RABGAP1L: variants seen among roughly 807,000 people sequenced by gnomAD.
The protein encoded by RABGAP1L is RAB GTPase activating protein 1 like.
RABGAP1L carries 63 observed loss-of-function variants against 137.7 expected under a neutral mutation model. The observed-to-expected ratio is 0.46, with a 90% CI of 0.37 to 0.56. The LOEUF is 0.56. Among genes scored for constraint, RABGAP1L ranks in the 20% least tolerant of loss-of-function variants. RABGAP1L has a pLI of 0.00. For missense variants in RABGAP1L, 1,095 were observed against 1,244.0 expected (o/e 0.88, Z 1.80); for synonymous variants, 431 against 433.7 (o/e 0.99, Z 0.08).
At chr1:174,345,400 T>C (rs1181600151) in intron 11 of RABGAP1L, among the ~76,000 whole-genome samples, 1 of 152,230 alleles carries the variant, frequency 6.6e-6, no homozygotes, top group Non-Finnish European at 1.5e-5. Context: ...TTTAACAATA[T>C]TGATTCTTCC....
chr1:174,651,975 G>A (rs975393097), intron 14 of RABGAP1L, among the ~76,000 whole-genome samples: 3 of 152,086 alleles, frequency 2.0e-5, no homozygotes, highest in African/African-American at 7.2e-5. Flanking sequence ...GGCTGGTACC[G>A]GTTGTTCCTT....
chr1:174,851,612 C>T (rs1171349192), intron 19 of RABGAP1L, among the ~76,000 whole-genome samples: 1 of 151,936 alleles, frequency 6.6e-6, no homozygotes, highest in Non-Finnish European at 1.5e-5. Flanking sequence ...CTTCCAGGCT[C>T]AAGCAATCTT....
intron 13 of RABGAP1L, among the ~76,000 whole-genome samples, chr1:174,544,117 A>G (rs1351122193): frequency 6.6e-6 from 1 of 152,074 alleles, no homozygotes; most frequent in African/African-American, 2.4e-5. Flanking sequence ...CGTTCTCTGT[A>G]TTTCCTGAAT....
intron 13 of RABGAP1L, among the ~76,000 whole-genome samples, chr1:174,412,132 TACTTGTTTATACCCCAA>T (rs1196614275): frequency 6.6e-6 from 1 of 152,076 alleles, no homozygotes; most frequent in Non-Finnish European, 1.5e-5. Context: ...GGTATAGACA[TACTTGTTTATACCCCAA>T]ACTTGGGCGT....
intron 13 of RABGAP1L, among the ~76,000 whole-genome samples, chr1:174,565,848 T>C (rs1044076381): frequency 6.6e-6 from 1 of 152,046 alleles, no homozygotes; most frequent in African/African-American, 2.4e-5. Context: ...AATACAAAGA[T>C]ATCTCAGTGA....
intron 13 of RABGAP1L, among the ~76,000 whole-genome samples, chr1:174,407,844 A>G (rs1649454281): frequency 6.6e-6 from 1 of 152,138 alleles, no homozygotes; most frequent in Non-Finnish European, 1.5e-5. Context: ...GCACTAAACA[A>G]TGAGAAATAT....
intron 19 of RABGAP1L, among the ~76,000 whole-genome samples, chr1:174,891,212 C>T (rs2149119565): frequency 6.6e-6 from 1 of 152,258 alleles, no homozygotes; most frequent in Non-Finnish European, 1.5e-5. Context: ...GAAGGAATAG[C>T]ACTTTGAGAG....
chr1:174,532,236 T>C (rs1319351434), intron 13 of RABGAP1L, among the ~76,000 whole-genome samples: 3 of 151,580 alleles, frequency 2.0e-5, no homozygotes, highest in African/African-American at 7.3e-5. Context: ...TGGGACACAG[T>C]CTTGCTCTGT....
intron 13 of RABGAP1L, among the ~76,000 whole-genome samples, chr1:174,522,565 G>A (rs759959333): frequency 1.3e-5 from 2 of 151,802 alleles, no homozygotes; most frequent in Admixed American, 6.6e-5. Context: ...GGAGGGAGAC[G>A]AGGGAAGGGA....
chr1:174,326,424 A>T (rs1407263146), intron 11 of RABGAP1L, among the ~76,000 whole-genome samples: 1 of 152,198 alleles, frequency 6.6e-6, no homozygotes, highest in African/African-American at 2.4e-5. Flanking sequence ...TGAAAAATGC[A>T]ATAGAGGGCA....
intron 11 of RABGAP1L, among the ~76,000 whole-genome samples, chr1:174,350,443 A>G (rs1683039047): frequency 1.2e-5 from 1 of 85,274 alleles, no homozygotes; most frequent in African/African-American, 4.9e-5. Context: ...CGCTCCTCAC[A>G]TCCCAGATGG....
At chr1:174,790,132 C>T (rs547228805) in intron 18 of RABGAP1L, among the ~76,000 whole-genome samples, 45 of 151,984 alleles carry the variant, frequency 3.0e-4, no homozygotes, top group African/African-American at 1.0e-3. Context: ...ATAACTGAAA[C>T]CTGGGAAGCA....
At chr1:174,531,204 G>A (rs1335645637) in intron 13 of RABGAP1L, among the ~76,000 whole-genome samples, 3 of 145,728 alleles carry the variant, frequency 2.1e-5, no homozygotes, top group Non-Finnish European at 4.4e-5. Flanking sequence ...TATAATACAG[G>A]TTAGTTATAA....
intron 4 of RABGAP1L, among the ~76,000 whole-genome samples, chr1:174,232,288 A>C (rs1337226128): frequency 4.6e-5 from 7 of 152,058 alleles, no homozygotes; most frequent in Admixed American, 2.6e-4. Flanking sequence ...TGGGTGAATC[A>C]CTTGAGGTCA....
At chr1:174,906,857 AT>A (rs201543886) in intron 19 of RABGAP1L, among the ~76,000 whole-genome samples, 2,288 of 151,646 alleles carry the variant, frequency 0.015, 164 homozygotes, top group Admixed American at 0.12. Flanking sequence ...GGAAAACCAT[AT>A]AGGCCATGAG....
At chr1:174,801,489 C>A (rs1034760798) in intron 18 of RABGAP1L, among the ~76,000 whole-genome samples, 4 of 152,262 alleles carry the variant, frequency 2.6e-5, no homozygotes, top group Middle Eastern at 3.4e-3. Context: ...CAAATATAAT[C>A]TCTTCTGTAC....
At chr1:174,640,091 G>C (rs1674406273) in intron 14 of RABGAP1L, among the ~76,000 whole-genome samples, 1 of 152,046 alleles carries the variant, frequency 6.6e-6, no homozygotes, top group Non-Finnish European at 1.5e-5. Context: ...AGTTTTTAAG[G>C]ATTTTAATGC....
intron 19 of RABGAP1L, among the ~76,000 whole-genome samples, chr1:174,836,651 A>G (rs992758605): frequency 4.6e-5 from 7 of 152,226 alleles, no homozygotes; most frequent in African/African-American, 1.7e-4. Flanking sequence ...CTGAAGCCAG[A>G]ATGTGCCCTC....
intron 19 of RABGAP1L, among the ~76,000 whole-genome samples, chr1:174,921,053 G>T (rs1176918637): frequency 6.6e-6 from 1 of 152,158 alleles, no homozygotes; most frequent in Non-Finnish European, 1.5e-5. Flanking sequence ...TTCCTAAGTG[G>T]CTGGGATTAC....
Sources: gnomAD v4.1 joint callset for allele counts (sites outside exome capture counted in the v4.1 genomes callset) on GRCh38, gnomAD v4.1.1 for gene constraint, MANE v1.5 for transcripts, NCBI Gene and HGNC (gene_info 2026-07-23, HGNC 2026-07-21) for gene names.